Variants in NUP133 observed in about 807,000 individuals in gnomAD.
The protein encoded by NUP133 is nuclear pore complex protein Nup133.
NUP133 carries 66 observed loss-of-function variants against 146.2 expected under a neutral mutation model. The observed-to-expected ratio is 0.45, with a 90% CI of 0.37 to 0.55. The LOEUF (loss-of-function observed/expected upper bound fraction) is 0.55. Among genes scored for constraint, NUP133 ranks in the 20% least tolerant of loss-of-function variants. The pLI, the probability that NUP133 is intolerant of heterozygous loss-of-function variation, is 0.00. For synonymous variants in NUP133, 521 were observed against 498.8 expected (o/e 1.04, Z -0.59); for missense variants, 1,277 against 1,374.8 (o/e 0.93, Z 1.12).
chr1:229,482,977 A>C (rs1661254898), intron 12 of NUP133, among the ~76,000 whole-genome samples: 1 of 152,212 alleles, frequency 6.6e-6, no homozygotes, highest in South Asian at 2.1e-4. Context: ...TACTCCGAAA[A>C]GTAAAACTGC....
chr1:229,505,301 TTTA>T, intron 2 of NUP133, among the ~76,000 whole-genome samples: 1 of 152,140 alleles, frequency 6.6e-6, no homozygotes, highest in Non-Finnish European at 1.5e-5. Context: ...ATTGTTCTAC[TTTA>T]TTATTACTGT....
At chr1:229,464,539 A>G in intron 18 of NUP133, 85 bp downstream of exon 18, 1 of 1,457,298 alleles carries the variant, frequency 6.9e-7, no homozygotes, top group African/African-American at 1.4e-5. Flanking sequence ...GATTAACACT[A>G]CCACACTGAA....
rs1571931924 is a variant in NUP133 at position 229,487,596 on chromosome 1, C to T, written c.1212G>A (p.Leu404=). 3.7e-6 allele frequency: 6 copies of T among 1,608,028 alleles called. No individual in the cohort carries two copies. The highest frequency in any genetic ancestry group is 3.4e-5 in the Admixed American group (2 of 58,382). The change falls in exon 10 of 26, where the codon TTG becomes TTA. Residue 404 remains leucine (L), a synonymous_variant. Transcript: ENST00000261396. ...NPPFQSEDLI[L]CQLTVPNFSN... ...AAAAGTTTGGGACCGTCAACTGACACAAAATCAGGTCTTCAGACTGAAAGT... is the reference window on the plus strand; with the variant it reads ...AAAAGTTTGGGACCGTCAACTGACATAAAATCAGGTCTTCAGACTGAAAGT...
At chr1:229,506,449 GTTTTT>G (rs35852954) in intron 1 of NUP133, among the ~76,000 whole-genome samples, 1 of 107,442 alleles carries the variant, frequency 9.3e-6, no homozygotes, top group Non-Finnish European at 2.0e-5. Context: ...CTAGACCAGT[GTTTTT>G]TTTTTTTTTT....
chr1:229,471,135 A>T (rs776209459), intron 14 of NUP133, among the ~76,000 whole-genome samples: 9 of 152,120 alleles, frequency 5.9e-5, no homozygotes, highest in Non-Finnish European at 1.3e-4. Context: ...GTCTTTTTTG[A>T]GACAGGGTTT....
At chr1:229,499,156 AT>A (rs745832125) in intron 5 of NUP133, 1 of 468,910 alleles carries the variant, frequency 2.1e-6, no homozygotes. Flanking sequence ...CGCTTCAGCC[AT>A]TCAAAGTGGT....
chr1:229,467,794 G>T (rs935913933), intron 15 of NUP133, among the ~76,000 whole-genome samples: 1 of 151,776 alleles, frequency 6.6e-6, no homozygotes, highest in African/African-American at 2.4e-5. Flanking sequence ...GCGTCGTGGC[G>T]TGCACCTGGA....
intron 14 of NUP133, among the ~76,000 whole-genome samples, chr1:229,473,387 T>C (rs997532202): frequency 6.6e-6 from 1 of 152,122 alleles, no homozygotes; most frequent in African/African-American, 2.4e-5. Flanking sequence ...ATGGCTGGAA[T>C]GGGGTTTTCA....
At chr1:229,485,151 C>T (rs1195496134) in intron 11 of NUP133, among the ~76,000 whole-genome samples, 2 of 152,044 alleles carry the variant, frequency 1.3e-5, no homozygotes, top group Non-Finnish European at 2.9e-5. Context: ...AAAAAATCAT[C>T]CCAGAATAAA....
Position 229,487,498 on chromosome 1 carries a change from A to G in NUP133, c.1310T>C (p.Leu437Pro), listed in dbSNP as rs776881332. The change falls in exon 10 of 26, where the codon CTT becomes CCT. Residue 437 changes from leucine to proline, a missense_variant. Around this residue, in one of 3 missense-constraint regions of NUP133, gnomAD observed 952 missense variants for 1,047.0 expected, o/e 0.91. Transcript: ENST00000261396. The stretch of plus-strand genomic sequence containing the variant: ...ATTAAAGACAATTTTCTCCTGGGGA[A>G]GAGAAAATTTCCCAGTTCCTGTGGA... ...VCSTGTGKFSLPQEKIVFNAQ... is the reference protein window; with the variant it reads ...VCSTGTGKFSPPQEKIVFNAQ... The G allele has an allele frequency of 2.5e-5, 41 of 1,612,976 alleles. No homozygotes were observed. Among genetic ancestry groups the G allele is most frequent in the Non-Finnish European group, 3.2e-5 (38 of 1,179,474 alleles).
intron 11 of NUP133, among the ~76,000 whole-genome samples, chr1:229,485,165 A>G (rs1661317059): frequency 6.6e-6 from 1 of 152,222 alleles, no homozygotes; most frequent in South Asian, 2.1e-4. Flanking sequence ...GAATAAAAAG[A>G]AACAGAAATA....
chr1:229,443,721 T>C (rs1445189858), intron 25 of NUP133, among the ~76,000 whole-genome samples: 1 of 145,870 alleles, frequency 6.9e-6, no homozygotes, highest in East Asian at 2.0e-4. Flanking sequence ...CACACATATA[T>C]AATTTTTTTT....
chr1:229,466,100 T>TAAA (rs1660807971), intron 16 of NUP133, among the ~76,000 whole-genome samples: 2 of 152,146 alleles, frequency 1.3e-5, no homozygotes, highest in Non-Finnish European at 2.9e-5. Flanking sequence ...ATGGAACGTT[T>TAAA]TAGTCAATAG....
chr1:229,502,094 G>A lies in NUP133; in HGVS notation c.310C>T (p.Gln104Ter). The A allele has an allele frequency of 6.2e-7, 1 of 1,612,714 alleles. No homozygotes were observed. The highest frequency in any genetic ancestry group is 8.5e-7 in the Non-Finnish European group (1 of 1,179,012). The change falls in exon 3 of 26, where the codon CAG becomes TAG. Residue 104 changes from glutamine (Q) to a stop codon, truncating the protein, a stop_gained. Coordinates refer to ENST00000261396, the MANE Select transcript of NUP133 (RefSeq NM_018230.3). LOFTEE classifies it high-confidence loss of function. The part of the protein sequence containing the change: ...EALTLAEVDD[Q>*]LTINIDEGGW... ...CCTTCATCTATGTTAATGGTCAGCTGGTCATCGACTAAAGGAAAAAATGAG... is the reference window on the plus strand; with the variant it reads ...CCTTCATCTATGTTAATGGTCAGCTAGTCATCGACTAAAGGAAAAAATGAG...
intron 24 of NUP133, among the ~76,000 whole-genome samples, chr1:229,447,496 G>T (rs185168054): frequency 2.7e-5 from 4 of 150,522 alleles, no homozygotes; most frequent in Non-Finnish European, 4.4e-5. Context: ...CTATTGAGTT[G>T]GCTGACAGCT....
chr1:229,483,696 CAAAAAAAAAAAA>C (rs35673633), intron 12 of NUP133, among the ~76,000 whole-genome samples: 2 of 57,536 alleles, frequency 3.5e-5, no homozygotes, highest in South Asian at 8.5e-4. Context: ...CGGAGTGTCT[CAAAAAAAAAAAA>C]AAAAAAAAAA....
chr1:229,479,835 A>G (rs1306515030), intron 12 of NUP133, among the ~76,000 whole-genome samples: 1 of 152,222 alleles, frequency 6.6e-6, no homozygotes, highest in Non-Finnish European at 1.5e-5. Context: ...TGTGGTCGAC[A>G]ACTGAGAATG....
chr1:229,444,762 G>T, intron 25 of NUP133, 152 bp downstream of exon 25: 1 of 518,912 alleles, frequency 1.9e-6, no homozygotes, highest in Non-Finnish European at 3.5e-6. Flanking sequence ...CAGAAGAATT[G>T]CTTGAACCCG....
chr1:229,447,122 C>A (rs1299686359), intron 24 of NUP133, among the ~76,000 whole-genome samples: 1 of 151,790 alleles, frequency 6.6e-6, no homozygotes, highest in East Asian at 1.9e-4. Context: ...GAAACTCCAT[C>A]ACAAAAAAAG....
Sources: allele counts gnomAD v4.1 joint callset (sites outside exome capture counted in the v4.1 genomes callset), GRCh38; gene constraint gnomAD v4.1.1; regional missense constraint gnomAD v4.1.1; transcripts MANE v1.5; gene names NCBI Gene and HGNC (gene_info 2026-07-23, HGNC 2026-07-21).